PIGU: variants seen among roughly 807,000 people sequenced by gnomAD.
The protein encoded by PIGU is GPI-anchor transamidase component PIGU.
PIGU carries 24 observed loss-of-function variants against 49.9 expected under a neutral mutation model. The ratio of observed to expected loss-of-function variants is 0.48; its 90% CI spans 0.35 to 0.68. PIGU has a LOEUF of 0.68. Ranked by LOEUF, PIGU falls within the 30% of genes least tolerant of loss-of-function variation. The probability of loss-of-function intolerance (pLI) is 0.01; values close to 1 mark genes in which losing one functional copy is unlikely to be tolerated. For synonymous variants in PIGU, 220 were observed against 205.7 expected (o/e 1.07, Z -0.59); for missense variants, 490 against 532.6 (o/e 0.92, Z 0.79).
intron 11 of PIGU, 36 bp from the exon 12 acceptor site, chr20:34,561,015 T>C (rs750519445): frequency 2.1e-6 from 3 of 1,438,670 alleles, no homozygotes; most frequent in Admixed American, 1.8e-5. Context: ...CGCTGCTGGG[T>C]ACCTCCCCCT....
At chr20:34,656,936 T>G (rs919672610) in intron 2 of PIGU, among the ~76,000 whole-genome samples, 1 of 152,192 alleles carries the variant, frequency 6.6e-6, no homozygotes, top group African/African-American at 2.4e-5. Context: ...CTTATTTGCC[T>G]TTACAAATGG....
At chr20:34,624,140 G>A (rs909920132) in intron 6 of PIGU, among the ~76,000 whole-genome samples, 4 of 129,578 alleles carry the variant, frequency 3.1e-5, no homozygotes, top group Non-Finnish European at 1.7e-5. Flanking sequence ...TCAGTGACGC[G>A]GTCATAGTTC....
chr20:34,625,980 A>ACG (rs974333527), intron 6 of PIGU, among the ~76,000 whole-genome samples: 3 of 149,014 alleles, frequency 2.0e-5, no homozygotes, highest in African/African-American at 7.3e-5. Flanking sequence ...ATATACACAC[A>ACG]TACACAATTT....
intron 6 of PIGU, among the ~76,000 whole-genome samples, chr20:34,617,326 G>A (rs1161432439): frequency 1.3e-5 from 2 of 152,186 alleles, no homozygotes; most frequent in African/African-American, 4.8e-5. Flanking sequence ...GAAAGCAGCT[G>A]AGAGGGAGGC....
chr20:34,674,844 G>A (rs1987443663), intron 1 of PIGU, among the ~76,000 whole-genome samples: 1 of 151,618 alleles, frequency 6.6e-6, no homozygotes, highest in Non-Finnish European at 1.5e-5. Context: ...CTACTTGGGA[G>A]GCTGAGGAGG....
In PIGU at chr20:34,585,596, C is replaced by T; in HGVS notation, c.783-16G>A. 7 of 1,609,180 alleles carry T rather than the reference C, an allele frequency of 4.4e-6. No homozygotes were observed. Among genetic ancestry groups the T allele is most frequent in the Non-Finnish European group, 5.9e-6 (7 of 1,177,700 alleles). Reference sequence around the variant, plus strand: ...AACAGAAAGTCTGGAATTAAGAAAACAAAGGGAGAGAAAAAAGACAAAAGT... The same window carrying T: ...AACAGAAAGTCTGGAATTAAGAAAATAAAGGGAGAGAAAAAAGACAAAAGT... On this transcript the variant is annotated splice_polypyrimidine_tract_variant and intron_variant, in intron 8 of 11. Transcript: ENST00000217446.
chr20:34,579,041 C>T (rs1220054913), intron 10 of PIGU: 1 of 152,148 alleles, frequency 6.6e-6, no homozygotes, highest in Non-Finnish European at 1.5e-5. Context: ...CCAGTCCAAT[C>T]AGAAGGGGAA....
chr20:34,658,681 C>T (rs1600667027), intron 1 of PIGU, among the ~76,000 whole-genome samples: 1 of 151,520 alleles, frequency 6.6e-6, no homozygotes, highest in Non-Finnish European at 1.5e-5. Flanking sequence ...TCTGCCCAGC[C>T]GCCCCGTCTG....
At chr20:34,649,847 T>TC (rs1986472289) in intron 2 of PIGU, among the ~76,000 whole-genome samples, 1 of 143,774 alleles carries the variant, frequency 7.0e-6, no homozygotes, top group Non-Finnish European at 1.5e-5. Context: ...TCTATTACAT[T>TC]CTTTTTTTTT....
At chr20:34,635,135 T>C (rs926762169) in intron 5 of PIGU, among the ~76,000 whole-genome samples, 3 of 152,226 alleles carry the variant, frequency 2.0e-5, no homozygotes, top group Non-Finnish European at 2.9e-5. Flanking sequence ...CATTTTACTA[T>C]TTCAGATTTC....
intron 7 of PIGU, among the ~76,000 whole-genome samples, chr20:34,603,418 ATACT>A (rs1984502229): frequency 6.6e-6 from 1 of 152,164 alleles, no homozygotes; most frequent in Admixed American, 6.6e-5. Flanking sequence ...GGCAGGACAA[ATACT>A]TATTTTTTTC....
chr20:34,611,508 T>C (rs1213553911), intron 7 of PIGU, among the ~76,000 whole-genome samples: 2 of 151,586 alleles, frequency 1.3e-5, no homozygotes, highest in African/African-American at 4.8e-5. Flanking sequence ...GAGCCAGGCA[T>C]GGTGGCACGT....
intron 1 of PIGU, among the ~76,000 whole-genome samples, chr20:34,660,538 T>C (rs1311964619): frequency 6.6e-6 from 1 of 152,206 alleles, no homozygotes; most frequent in Admixed American, 6.5e-5. Context: ...TGAGCCAAGA[T>C]TGTGCCACTG....
intron 7 of PIGU, among the ~76,000 whole-genome samples, chr20:34,598,889 G>T (rs1276256658): frequency 1.3e-5 from 2 of 152,116 alleles, no homozygotes; most frequent in Non-Finnish European, 2.9e-5. Flanking sequence ...GCCCAGGCTG[G>T]TGCAGTGACA....
chr20:34,673,854 A>G (rs532137270), intron 1 of PIGU, among the ~76,000 whole-genome samples: 6 of 152,260 alleles, frequency 3.9e-5, no homozygotes, highest in African/African-American at 1.4e-4. Context: ...GGAGATCAAG[A>G]CCAGCCTGGC....
At chr20:34,639,395 C>T (rs530203132) in intron 4 of PIGU, among the ~76,000 whole-genome samples, 6 of 151,578 alleles carry the variant, frequency 4.0e-5, no homozygotes, top group Admixed American at 1.3e-4. Context: ...AGCAAGACTC[C>T]GTCTCAAAAA....
intron 7 of PIGU, 95 bp downstream of exon 7, chr20:34,615,947 C>T: frequency 6.8e-7 from 1 of 1,461,212 alleles, no homozygotes; most frequent in Non-Finnish European, 9.0e-7. Context: ...CTTCCCACTG[C>T]CTTTACTAAC....
intron 5 of PIGU, among the ~76,000 whole-genome samples, chr20:34,636,716 G>T (rs1985976631): frequency 6.6e-6 from 1 of 152,132 alleles, no homozygotes; most frequent in African/African-American, 2.4e-5. Flanking sequence ...CATAATTCTG[G>T]TTATCAGATA....
At chr20:34,577,716 AAAAC>A (rs531660705) in intron 10 of PIGU, among the ~76,000 whole-genome samples, 56 of 152,270 alleles carry the variant, frequency 3.7e-4, no homozygotes, top group Non-Finnish European at 5.0e-4. Flanking sequence ...ACTCTGTCTC[AAAAC>A]AAACAAACAA....
Sources: gnomAD v4.1 joint callset for allele counts (sites outside exome capture counted in the v4.1 genomes callset) on GRCh38, gnomAD v4.1.1 for gene constraint, MANE v1.5 for transcripts, NCBI Gene and HGNC (gene_info 2026-07-23, HGNC 2026-07-21) for gene names.